SBNO1: variants seen among roughly 807,000 people sequenced by gnomAD.
The protein encoded by SBNO1 is protein strawberry notch homolog 1.
A neutral mutation model predicts 173.6 loss-of-function variants in SBNO1; 23 were observed. That is an observed-to-expected ratio of 0.13 (90% CI 0.10 to 0.19). The LOEUF (loss-of-function observed/expected upper bound fraction) is 0.19. SBNO1 is among the 10% of genes least tolerant of loss of function. The probability of loss-of-function intolerance (pLI) is 1.00; values close to 1 mark genes in which losing one functional copy is unlikely to be tolerated. For missense variants in SBNO1, 1,238 were observed against 1,671.2 expected (o/e 0.74, Z 4.52); for synonymous variants, 632 against 571.5 (o/e 1.11, Z -1.51).
Position 123,293,177 on chromosome 12 carries a change from G to A in SBNO1, c.*2731C>T, listed in dbSNP as rs1306657155. The stretch of plus-strand genomic sequence containing the variant: ...AAACAAGGCCTCTGAATTCAGGTGT[G>A]GCATTTAGATCCTGCAATGAATGGA... On this transcript the variant is annotated 3_prime_UTR_variant, in exon 32 of 32. Transcript: ENST00000602398. The A allele has an allele frequency of 6.6e-6, 1 of 152,196 alleles. No homozygotes were observed. Among genetic ancestry groups the A allele is most frequent in the African/African-American group, 2.4e-5 (1 of 41,448 alleles). The allele number at this position is 152,196 out of a possible 1,614,324, so 9.4% of individuals were successfully genotyped here. A position where few individuals can be genotyped will look rare whatever the true frequency, so the allele number is the denominator to read the frequency against.
intron 18 of SBNO1, 39 bp from the exon 19 acceptor site, chr12:123,320,646 T>C (rs746606405): frequency 2.5e-6 from 4 of 1,599,414 alleles, no homozygotes; most frequent in Non-Finnish European, 8.5e-7. Context: ...GTACAAAGTT[T>C]AAATATTTTT....
chr12:123,325,470 AAACAAAAACATTAAAAG>A lies in SBNO1; in HGVS notation c.1973+15_1973+31del. ...CTAAGGTAAGGAAGAACTCAAAAAG[AAACAAAAACATTAAAAG>A]AACAAAAACATTACTTGGCAGTTGA... On this transcript the variant is annotated intron_variant, in intron 15 of 31. Coordinates refer to ENST00000602398, the MANE Select transcript of SBNO1 (RefSeq NM_001167856.3). 6.7e-7 allele frequency: 1 copy of A among 1,501,216 alleles called. No homozygotes were observed. The highest frequency in any genetic ancestry group is 9.3e-7 in the Non-Finnish European group (1 of 1,080,348). The allele number at this position is 1,501,216 out of a possible 1,614,324, so 93.0% of individuals were successfully genotyped here.
intron 16 of SBNO1, among the ~76,000 whole-genome samples, chr12:123,322,812 A>C (rs1014769809): frequency 1.3e-5 from 2 of 151,290 alleles, no homozygotes; most frequent in Admixed American, 1.3e-4. Context: ...CCCAGGAGGC[A>C]GAGGTTGCAG....
At chr12:123,354,781 T>C (rs1874247083) in intron 1 of SBNO1, among the ~76,000 whole-genome samples, 1 of 152,156 alleles carries the variant, frequency 6.6e-6, no homozygotes, top group Non-Finnish European at 1.5e-5. Context: ...TACAAAGGAA[T>C]TCATAGACCT....
At chr12:123,303,475 G>T (rs2048842437) in intron 29 of SBNO1, among the ~76,000 whole-genome samples, 1 of 151,982 alleles carries the variant, frequency 6.6e-6, no homozygotes, top group Non-Finnish European at 1.5e-5. Flanking sequence ...GTGAAATTCC[G>T]TCTCTACTAA....
In SBNO1 at chr12:123,320,461, C is replaced by T; in HGVS notation, c.2638G>A (p.Glu880Lys). ...PPNTLDELIDELGGPENVAEM... is the reference protein window; with the variant it reads ...PPNTLDELIDKLGGPENVAEM... ...GCAACGTTCTCAGGGCCACCAAGTT[C>T]ATCGATAAGTTCATCCAGGGTATTA... The change falls in exon 19 of 32, where the codon GAA (glutamate) becomes AAA (lysine). Residue 880 changes from glutamate to lysine, a missense_variant. Around this residue, in one of 14 missense-constraint regions of SBNO1, gnomAD observed 45 missense variants for 85.5 expected, o/e 0.53. Coordinates refer to ENST00000602398, the MANE Select transcript of SBNO1 (RefSeq NM_001167856.3). The T allele has an allele frequency of 6.2e-7, 1 of 1,613,592 alleles. No homozygotes were observed. Among genetic ancestry groups the T allele is most frequent in the East Asian group, 2.2e-5 (1 of 44,880 alleles).
intron 21 of SBNO1, among the ~76,000 whole-genome samples, chr12:123,316,603 T>C (rs1200549071): frequency 6.6e-6 from 1 of 152,022 alleles, no homozygotes; most frequent in African/African-American, 2.4e-5. Flanking sequence ...CACTGCAACC[T>C]TGAACTCCTG....
chr12:123,301,930 G>A (rs950540799), intron 30 of SBNO1, among the ~76,000 whole-genome samples: 3 of 150,336 alleles, frequency 2.0e-5, no homozygotes, highest in Non-Finnish European at 4.4e-5. Flanking sequence ...CAGAAGGAGG[G>A]CGAAAAAGTG....
At chr12:123,320,282 A>G in intron 19 of SBNO1, 150 bp downstream of exon 19, 2 of 788,294 alleles carry the variant, frequency 2.5e-6, no homozygotes, top group African/African-American at 1.7e-5. Flanking sequence ...TGCAGGCAGC[A>G]GTTCATTGGA....
rs773385200 is a variant in SBNO1, at chr12:123,289,587, T to A, written c.*6321A>T. On this transcript the variant is annotated 3_prime_UTR_variant, in exon 32 of 32. Transcript: ENST00000602398. ...TAAAGGAGAACCATCTACACCTACA[T>A]AGAAAAGTATCCTTTGCTCAGAGGA... 1 of 152,240 alleles carries A rather than the reference T, an allele frequency of 6.6e-6. No homozygotes were observed. The highest frequency in any genetic ancestry group is 2.4e-5 in the African/African-American group (1 of 41,458). The allele number at this position is 152,240 out of a possible 1,614,324, so 9.4% of individuals were successfully genotyped here. A position where few individuals can be genotyped will look rare whatever the true frequency, so the allele number is the denominator to read the frequency against.
chr12:123,330,865 C>A (rs1223495192), intron 8 of SBNO1, among the ~76,000 whole-genome samples: 3 of 152,112 alleles, frequency 2.0e-5, no homozygotes, highest in African/African-American at 7.2e-5. Flanking sequence ...GTAGAGGCTG[C>A]AGTGAGCCAT....
chr12:123,330,275 G>A (rs1456690796), intron 9 of SBNO1, 144 bp downstream of exon 9: 2 of 619,544 alleles, frequency 3.2e-6, no homozygotes, highest in Non-Finnish European at 5.7e-6. Flanking sequence ...ACCAACAATA[G>A]TGGCTAGCAC....
rs1428342173 is a variant in SBNO1, at chr12:123,322,632, G to A, written c.2126-900C>T. 2.6e-5 allele frequency among the ~76,000 whole-genome samples: 4 copies of A among 151,874 alleles called. No homozygotes were observed. The East Asian group carries it at 5.9e-4, about 22-fold the overall frequency. On this transcript the variant is annotated intron_variant, in intron 16 of 31. Transcript: ENST00000602398. ...TTCTAAAACCAAAACAGGGCTGGGC[G>A]AGATGGCTCACACCTGTAATCCCAG...
rs905243318 is a variant in SBNO1, at chr12:123,345,388, T to C, written c.420A>G (p.Arg140=). ...TTGAAGGTGCAGAGGTCATGGCATT[T>C]CGTACTGTTGGTGCTGAGACTGACG... ...TRPSVSAPTV[R]NAMTSAPSKD... The change falls in exon 4 of 32, where the codon CGA becomes CGG. Residue 140 remains arginine (R), a synonymous_variant. Coordinates refer to ENST00000602398, the MANE Select transcript of SBNO1 (RefSeq NM_001167856.3). 1 of 1,614,096 alleles carries C rather than the reference T, an allele frequency of 6.2e-7. No homozygotes were observed. Among genetic ancestry groups the C allele is most frequent in the African/African-American group, 1.3e-5 (1 of 74,922 alleles).
chr12:123,324,838 C>CT (rs1326412624), intron 15 of SBNO1, among the ~76,000 whole-genome samples: 1 of 151,920 alleles, frequency 6.6e-6, no homozygotes, highest in Non-Finnish European at 1.5e-5. Flanking sequence ...GGGTCTCACT[C>CT]TGCCGCCCAG....
At chr12:123,315,096 G>C (rs779928443) in intron 23 of SBNO1, among the ~76,000 whole-genome samples, 2 of 152,072 alleles carry the variant, frequency 1.3e-5, no homozygotes, top group Non-Finnish European at 2.9e-5. Flanking sequence ...AAAAACATGA[G>C]AAAAATTAAC....
Position 123,298,064 on chromosome 12 carries a change from A to G in SBNO1, c.3953T>C (p.Val1318Ala). 1 of 1,613,732 alleles carries G rather than the reference A, an allele frequency of 6.2e-7. No individual in the cohort carries two copies. Among genetic ancestry groups the G allele is most frequent in the Non-Finnish European group, 8.5e-7 (1 of 1,179,946 alleles). ...ACTGACAGATGCTAGAACACCCTCAACTTTTGTCCAGACACTCAGCACTGA... is the reference window on the plus strand; with the variant it reads ...ACTGACAGATGCTAGAACACCCTCAGCTTTTGTCCAGACACTCAGCACTGA... ...CGSVLSVWTK[V>A]EGVLASVSGT... The change falls in exon 31 of 32, where the codon GTT becomes GCT. Residue 1318 changes from valine (V) to alanine (A), a missense_variant. By Grantham distance (64) the Val-to-Ala change is moderately conservative. Transcript: ENST00000602398.
In SBNO1 at chr12:123,315,624, T is replaced by A; in HGVS notation, c.2972A>T (p.Glu991Val). 1 of 1,613,884 alleles carries A rather than the reference T, an allele frequency of 6.2e-7. No individual in the cohort carries two copies. The highest frequency in any genetic ancestry group is 8.5e-7 in the Non-Finnish European group (1 of 1,179,844). The change falls in exon 22 of 32, where the codon GAG (glutamate) becomes GTG (valine). Residue 991 changes from glutamate (E) to valine (V), a missense_variant. Glu to Val is a moderately radical substitution (Grantham distance 121, BLOSUM62 -2). Around this residue, in one of 14 missense-constraint regions of SBNO1, gnomAD observed 39 missense variants for 129.7 expected, o/e 0.30. Coordinates refer to ENST00000602398, the MANE Select transcript of SBNO1 (RefSeq NM_001167856.3). ...CAGTTCAGATATCAGAAAGACATAC[T>A]CAGGAGCAGTAACTTGGTTTGATCT... ...THRSNQVTAP[E>V]YVFLISELAG...
intron 23 of SBNO1, 125 bp downstream of exon 23, chr12:123,315,248 T>C (rs543505678): frequency 5.8e-6 from 4 of 686,182 alleles, no homozygotes; most frequent in African/African-American, 5.4e-5. Context: ...TAGGAAGCCA[T>C]GATTTTAAAG....
Sources: gnomAD v4.1 joint callset for allele counts (sites outside exome capture counted in the v4.1 genomes callset) on GRCh38, gnomAD v4.1.1 for gene constraint, gnomAD v4.1.1 regional missense constraint, MANE v1.5 for transcripts, NCBI Gene and HGNC (gene_info 2026-07-23, HGNC 2026-07-21) for gene names.